Variants in DIAPH3 observed in about 807,000 individuals in gnomAD.
DIAPH3 encodes the protein diaphanous related formin 3, also known as protein diaphanous homolog 3.
In DIAPH3, 117 loss-of-function variants were observed where a neutral mutation model predicts 144.3. That is an observed-to-expected ratio of 0.81 (90% CI 0.70 to 0.95). DIAPH3 has a LOEUF of 0.95. DIAPH3 is among the 40% of genes least tolerant of loss of function. DIAPH3 has a pLI of 0.00. For missense variants in DIAPH3, 1,421 were observed against 1,412.7 expected, an observed-to-expected ratio of 1.01 and a Z score of -0.09; for synonymous variants, 519 against 488.9, an observed-to-expected ratio of 1.06 and a Z score of -0.81.
intron 9 of DIAPH3, among the ~76,000 whole-genome samples, chr13:59,997,419 T>C (rs1353906509): frequency 1.3e-5 from 2 of 152,128 alleles, no homozygotes; most frequent in African/African-American, 4.8e-5. Flanking sequence ...AGTGAATATG[T>C]ACCACATTTT....
intron 27 of DIAPH3, among the ~76,000 whole-genome samples, chr13:59,729,550 T>C (rs2035777436): frequency 6.6e-6 from 1 of 152,106 alleles, no homozygotes; most frequent in African/African-American, 2.4e-5. Flanking sequence ...ATGAGATCTT[T>C]GTGGTACTGA....
At chr13:60,135,249 CTTTT>C in intron 1 of DIAPH3, among the ~76,000 whole-genome samples, 1 of 137,718 alleles carries the variant, frequency 7.3e-6, no homozygotes, top group East Asian at 2.3e-4. Context: ...TCATGGTTTT[CTTTT>C]TTTTTTTTTT....
chr13:59,708,350 G>T (rs1267419926), intron 27 of DIAPH3, among the ~76,000 whole-genome samples: 1 of 151,958 alleles, frequency 6.6e-6, no homozygotes, highest in Non-Finnish European at 1.5e-5. Context: ...ACCTACAATC[G>T]CAGTTTCTAA....
intron 14 of DIAPH3, 32 bp from the exon 15 acceptor site, chr13:59,974,488 G>T: frequency 6.5e-7 from 1 of 1,540,278 alleles, no homozygotes; most frequent in Non-Finnish European, 8.9e-7. Context: ...AACAAAAACA[G>T]GAAGATGAAA....
intron 1 of DIAPH3, among the ~76,000 whole-genome samples, chr13:60,137,026 G>C (rs4886210): frequency 6.6e-6 from 1 of 151,874 alleles, no homozygotes; most frequent in African/African-American, 2.4e-5. Context: ...GAATATGAGG[G>C]CTCTTTTCCT....
At chr13:60,022,298 T>C (rs1430803097) in intron 5 of DIAPH3, among the ~76,000 whole-genome samples, 1 of 152,168 alleles carries the variant, frequency 6.6e-6, no homozygotes, top group Non-Finnish European at 1.5e-5. Flanking sequence ...ACAAGCGTCC[T>C]GAAAGCAGGC....
intron 20 of DIAPH3, among the ~76,000 whole-genome samples, chr13:59,909,461 T>G (rs1470727314): frequency 6.6e-6 from 1 of 151,052 alleles, no homozygotes; most frequent in African/African-American, 2.4e-5. Context: ...TGGTGAAAAA[T>G]AGAAATGGAA....
In DIAPH3 at chr13:60,136,939, CAA is replaced by C. The variant is rs67539072; in HGVS notation, c.181-3952_181-3951del. On this transcript the variant is annotated intron_variant, in intron 1 of 27. Coordinates refer to ENST00000400324, the MANE Select transcript of DIAPH3 (RefSeq NM_001042517.2). ...TGGGCGACAGAGCGAGACTCCGTCT[CAA>C]AAAAAAAAAAAATAATAATAAATAA... 7.2e-3 allele frequency among the ~76,000 whole-genome samples: 1,071 copies of C among 148,688 alleles called. 7 individuals are homozygous for C. The highest frequency in any genetic ancestry group is 0.011 in the Non-Finnish European group (743 of 66,846).
chr13:59,901,090 C>T (rs902728200), intron 20 of DIAPH3, among the ~76,000 whole-genome samples: 5 of 152,218 alleles, frequency 3.3e-5, no homozygotes, highest in African/African-American at 1.2e-4. Flanking sequence ...GCTTGTTAAC[C>T]AGTCACTGGC....
At position 59,825,292 on chromosome 13, in the gene DIAPH3, GT is replaced by G. The variant is rs1229252129; in HGVS notation, c.3027+7814del. Among the ~76,000 whole-genome samples, 27 of 152,100 alleles carry G rather than the reference GT, an allele frequency of 1.8e-4. No individual in the cohort carries two copies. In the East Asian group the frequency reaches 5.0e-3, roughly 28 times the overall value. On this transcript the variant is annotated intron_variant, in intron 24 of 27. Transcript: ENST00000400324. ...TACGAGTGAGAACATATGGTGTTTG[GT>G]TTTTTGTCCTTGCGATAGTTTACTG...
Position 60,015,841 on chromosome 13 carries a change from C to T in DIAPH3, c.771+72G>A, listed in dbSNP as rs1594347495. The T allele has an allele frequency of 4.6e-6, 6 of 1,300,302 alleles. No individual in the cohort carries two copies. The South Asian group carries it at 7.3e-5, about 16-fold the overall frequency. 80.5% of individuals were successfully genotyped at this position (1,300,302 alleles called of 1,614,324 possible). On this transcript the variant is annotated intron_variant, in intron 7 of 27. Coordinates refer to ENST00000400324, the MANE Select transcript of DIAPH3 (RefSeq NM_001042517.2). Reference sequence around the variant, plus strand: ...AAAACACATCAGAACAATTTACCATCACTTTACTGCAACTGAAAATCATAT... The same window carrying T: ...AAAACACATCAGAACAATTTACCATTACTTTACTGCAACTGAAAATCATAT...
chr13:60,085,805 A>C (rs1191809422), intron 4 of DIAPH3, among the ~76,000 whole-genome samples: 3 of 152,106 alleles, frequency 2.0e-5, no homozygotes, highest in African/African-American at 7.2e-5. Flanking sequence ...TTTCAAACTT[A>C]TCACTACATT....
At chr13:59,760,842 T>C (rs868858667) in intron 27 of DIAPH3, among the ~76,000 whole-genome samples, 1 of 152,212 alleles carries the variant, frequency 6.6e-6, no homozygotes, top group Non-Finnish European at 1.5e-5. Context: ...CTTCTAGAAA[T>C]TGTAATAAGA....
At chr13:59,985,696 C>A (rs1446723421) in intron 12 of DIAPH3, among the ~76,000 whole-genome samples, 1 of 71,832 alleles carries the variant, frequency 1.4e-5, no homozygotes. Context: ...AACAGAGAGC[C>A]AAATCATGAG....
intron 12 of DIAPH3, among the ~76,000 whole-genome samples, chr13:59,984,177 GA>G (rs2051222142): frequency 6.6e-6 from 1 of 151,660 alleles, no homozygotes; most frequent in Admixed American, 6.6e-5. Flanking sequence ...AAAGTGAAGT[GA>G]TAAGTGCTTA....
intron 21 of DIAPH3, among the ~76,000 whole-genome samples, chr13:59,870,671 T>G (rs962539936): frequency 4.0e-5 from 6 of 151,254 alleles, no homozygotes; most frequent in Non-Finnish European, 1.5e-5. Context: ...AGGTGTTTTT[T>G]TTTTTTTTTT....
intron 27 of DIAPH3, among the ~76,000 whole-genome samples, chr13:59,705,568 G>T (rs1479017708): frequency 6.6e-6 from 1 of 152,200 alleles, no homozygotes; most frequent in African/African-American, 2.4e-5. Context: ...GGGACTTCTT[G>T]TGTGTTTTGT....
chr13:59,685,091 G>C (rs1251231029), intron 27 of DIAPH3, among the ~76,000 whole-genome samples: 1 of 152,116 alleles, frequency 6.6e-6, no homozygotes, highest in Non-Finnish European at 1.5e-5. Context: ...AGGGCACCTA[G>C]AGTTATCAAG....
chr13:59,677,327 C>G (rs1240007063), intron 27 of DIAPH3, among the ~76,000 whole-genome samples: 2 of 151,378 alleles, frequency 1.3e-5, no homozygotes, highest in East Asian at 1.9e-4. Flanking sequence ...AACATTGAGA[C>G]TAGAACGGTA....
Sources: allele counts gnomAD v4.1 joint callset (sites outside exome capture counted in the v4.1 genomes callset), GRCh38; gene constraint gnomAD v4.1.1; transcripts MANE v1.5; gene names NCBI Gene and HGNC (gene_info 2026-07-23, HGNC 2026-07-21).